ADCY4: variants seen among roughly 807,000 people sequenced by gnomAD.
ADCY4 encodes adenylate cyclase 4, also known as adenylate cyclase type 4.
Under a neutral mutation model 125.5 loss-of-function variants are expected in ADCY4, and 111 were observed. That is an observed-to-expected ratio of 0.88 (90% CI 0.76 to 1.04). The LOEUF (loss-of-function observed/expected upper bound fraction) is 1.04, where lower values mean the gene tolerates loss of function less well. Ranked by LOEUF, ADCY4 falls within the 50% of genes least tolerant of loss-of-function variation. The pLI is 0.00. For synonymous variants in ADCY4, 576 were observed against 586.9 expected (o/e 0.98, Z 0.27); for missense variants, 1,256 against 1,382.9 (o/e 0.91, Z 1.46).
chr14:24,334,685 A>G lies in ADCY4; in HGVS notation c.-33T>C. 2 of 1,482,036 alleles carry G rather than the reference A, an allele frequency of 1.3e-6. No individual in the cohort carries two copies. The highest frequency in any genetic ancestry group is 1.8e-6 in the Non-Finnish European group (2 of 1,117,250). 91.8% of individuals were successfully genotyped at this position (1,482,036 alleles called of 1,614,324 possible). A position where few individuals can be genotyped will look rare whatever the true frequency, so the allele number is the denominator to read the frequency against. On this transcript the variant is annotated 5_prime_UTR_variant, in exon 1 of 25. Transcript: ENST00000418030. ...CCAGCCCCGAGCCCCGGGGCTGGCT[A>G]GGGCCGGGCGCCGGGTTACCTCCTT...
At position 24,332,692 on chromosome 14, in the gene ADCY4, G is replaced by A; in HGVS notation, c.358-9C>T. 1 of 1,581,994 alleles carries A rather than the reference G, an allele frequency of 6.3e-7. No homozygotes were observed. The highest frequency in any genetic ancestry group is 1.1e-5 in the South Asian group (1 of 87,436). On this transcript the variant is annotated splice_polypyrimidine_tract_variant and intron_variant, in intron 2 of 24. Transcript: ENST00000418030. ...AAGAGAAAATAGGACACCTGGGGGCGGGGCGCGGGAAGCCGAAGGCCCAAG... is the reference window on the plus strand; with the variant it reads ...AAGAGAAAATAGGACACCTGGGGGCAGGGCGCGGGAAGCCGAAGGCCCAAG...
In ADCY4 at chr14:24,323,379, C is replaced by G; in HGVS notation, c.2122G>C (p.Glu708Gln). The G allele has an allele frequency of 6.4e-7, 1 of 1,557,076 alleles. No individual in the cohort carries two copies. Among genetic ancestry groups the G allele is most frequent in the Non-Finnish European group, 8.7e-7 (1 of 1,149,450 alleles). The change falls in exon 17 of 25, where the codon GAG (glutamate) becomes CAG (glutamine). Residue 708 changes from glutamate to glutamine, a missense_variant. Glu to Gln is a conservative substitution (Grantham distance 29). Transcript: ENST00000418030. ...VSSMISNLSW[E>Q]LPGSLPLISV... is the part of the protein sequence containing the mutation. The stretch of plus-strand genomic sequence containing the variant: ...ATGAGAGGCAGAGACCCAGGGAGCT[C>G]CCAGGAGAGGTTGGAAATCATGGAG...
At chr14:24,329,803 G>A in intron 8 of ADCY4, 57 bp downstream of exon 8, 1 of 1,580,132 alleles carries the variant, frequency 6.3e-7, no homozygotes, top group Non-Finnish European at 8.6e-7. Context: ...AAGGATGGCA[G>A]CCTGTGGTAG....
chr14:24,334,852 A>T lies in ADCY4; in HGVS notation c.-200T>A. 1 of 572,242 alleles carries T rather than the reference A, an allele frequency of 1.7e-6. No homozygotes were observed. Among genetic ancestry groups the T allele is most frequent in the South Asian group, 2.1e-5 (1 of 47,194 alleles). 35.4% of individuals were successfully genotyped at this position (572,242 alleles called of 1,614,324 possible). On this transcript the variant is annotated 5_prime_UTR_variant, in exon 1 of 25. Transcript: ENST00000418030. ...CCCGCTCCCAGCTGGCGATGAGGGG[A>T]TCCCTCAGTCCTTTCCTCCTCCTCC...
intron 10 of ADCY4, among the ~76,000 whole-genome samples, chr14:24,328,291 T>C (rs1336606546): frequency 1.3e-5 from 2 of 151,518 alleles, no homozygotes; most frequent in East Asian, 1.9e-4. Context: ...CCTCCACCTC[T>C]TGTGGAGGCC....
At chr14:24,324,972 G>A (rs1269051664) in intron 14 of ADCY4, among the ~76,000 whole-genome samples, 2 of 152,102 alleles carry the variant, frequency 1.3e-5, no homozygotes, top group Non-Finnish European at 2.9e-5. Context: ...CCAGAGTGCT[G>A]GGATTACAGG....
chr14:24,324,117 A>T lies in ADCY4; in HGVS notation c.1991T>A (p.Ile664Lys). The T allele has an allele frequency of 6.2e-7, 1 of 1,614,232 alleles. No homozygotes were observed. Among genetic ancestry groups the T allele is most frequent in the Non-Finnish European group, 8.5e-7 (1 of 1,180,036 alleles). Residue 664 changes from isoleucine to lysine, a missense_variant, in exon 16 of 25, where the codon ATA (isoleucine) becomes AAA (lysine). Transcript: ENST00000418030. ...GLVATRPGLR[I>K]ALGTATILLV... ...GAGGATGGTGGCGGTGCCCAAGGCT[A>T]TTCTCAGTCCTGGTCGTGTGGCCAC...
chr14:24,321,375 C>A (rs757596294), intron 20 of ADCY4, among the ~76,000 whole-genome samples: 2 of 151,744 alleles, frequency 1.3e-5, no homozygotes, highest in African/African-American at 4.8e-5. Flanking sequence ...GAGCTGAGAC[C>A]GTGCCATTAC....
intron 11 of ADCY4, 21 bp downstream of exon 11, chr14:24,326,276 CAA>C: frequency 6.2e-7 from 1 of 1,614,036 alleles, no homozygotes; most frequent in East Asian, 2.2e-5. Flanking sequence ...GCCCCACTGG[CAA>C]AGACTTTGAG....
chr14:24,331,505 A>G (rs2042041101), intron 4 of ADCY4, 149 bp from the exon 5 acceptor site: 9 of 1,107,184 alleles, frequency 8.1e-6, no homozygotes, highest in Non-Finnish European at 1.0e-5. Flanking sequence ...GCAGGGCCCC[A>G]GCACTCCATC....
chr14:24,331,527 A>G, intron 4 of ADCY4, 171 bp from the exon 5 acceptor site: 2 of 937,108 alleles, frequency 2.1e-6, no homozygotes, highest in Non-Finnish European at 3.1e-6. Context: ...TACACTGATC[A>G]CCTTTAGTGA....
At chr14:24,332,448 C>T in intron 3 of ADCY4, 74 bp downstream of exon 3, 3 of 1,483,034 alleles carry the variant, frequency 2.0e-6, no homozygotes, top group Middle Eastern at 4.8e-4. Flanking sequence ...CACAGCTCAA[C>T]AACCCCCTAA....
chr14:24,323,564 G>T (rs1169417027), intron 16 of ADCY4, 110 bp from the exon 17 acceptor site: 1 of 1,492,604 alleles, frequency 6.7e-7, no homozygotes, highest in Non-Finnish European at 8.9e-7. Flanking sequence ...CTCGTCCAAA[G>T]GGGTGGATCC....
intron 6 of ADCY4, 40 bp downstream of exon 6, chr14:24,330,978 G>A (rs779474916): frequency 1.3e-6 from 2 of 1,552,692 alleles, no homozygotes; most frequent in Admixed American, 1.8e-5. Context: ...AGGATGGGAT[G>A]TTTGAGGGTC....
chr14:24,328,679 G>A (rs565206262), intron 10 of ADCY4: 107 of 215,912 alleles, frequency 5.0e-4, no homozygotes, highest in African/African-American at 2.5e-3. Context: ...GCCACTACCG[G>A]TCTCCGCGCA....
At chr14:24,320,009 G>C (rs1260337826) in intron 20 of ADCY4, 121 bp from the exon 21 acceptor site, 8 of 1,257,704 alleles carry the variant, frequency 6.4e-6, no homozygotes, top group Non-Finnish European at 7.6e-6. Context: ...GAAGAATTGG[G>C]AAGGAGGGAG....
At chr14:24,332,332 TG>T in intron 3 of ADCY4, 189 bp downstream of exon 3, 1 of 627,722 alleles carries the variant, frequency 1.6e-6, no homozygotes, top group Non-Finnish European at 2.6e-6. Flanking sequence ...CCGTGTGGCC[TG>T]GATCCCTCTT....
At chr14:24,333,820 CACCTCCCTGGCCACCA>C (rs1405692050) in intron 1 of ADCY4, among the ~76,000 whole-genome samples, 3 of 152,146 alleles carry the variant, frequency 2.0e-5, no homozygotes, top group African/African-American at 4.8e-5. Context: ...CGGCGTCCCG[CACCTCCCTGGCCACCA>C]GGGCTGCGAT....
chr14:24,325,472 G>A lies in ADCY4; in HGVS notation c.1728C>T (p.Tyr576=), dbSNP rs1820436067. Reference sequence around the variant, plus strand: ...TGAAGGCGGGGATTGCAGAGAGTCGGTACTGAAAGTGAGAGGGCCAGAGGT... The same window carrying A: ...TGAAGGCGGGGATTGCAGAGAGTCGATACTGAAAGTGAGAGGGCCAGAGGT... ...YFREKEMEKE[Y]RLSAIPAFKY... is the part of the protein sequence containing the mutation. The change falls in exon 14 of 25, where the codon TAC becomes TAT. Residue 576 remains tyrosine (Y), a splice_region_variant and synonymous_variant. Coordinates refer to ENST00000418030, the MANE Select transcript of ADCY4 (RefSeq NM_001198568.2). 5 of 1,613,112 alleles carry A rather than the reference G, an allele frequency of 3.1e-6. No homozygotes were observed. Among genetic ancestry groups the A allele is most frequent in the African/African-American group, 1.3e-5 (1 of 74,708 alleles).
Sources: allele counts gnomAD v4.1 joint callset (sites outside exome capture counted in the v4.1 genomes callset), GRCh38; gene constraint gnomAD v4.1.1; transcripts MANE v1.5; gene names NCBI Gene and HGNC (gene_info 2026-07-23, HGNC 2026-07-21).